LZTS2: variants seen among roughly 807,000 people sequenced by gnomAD.
The protein encoded by LZTS2 is leucine zipper putative tumor suppressor 2.
In LZTS2, 32 loss-of-function variants were observed where a neutral mutation model predicts 60.6. That is an observed-to-expected ratio of 0.53 (90% CI 0.40 to 0.71). The LOEUF is 0.71. LZTS2 is among the 30% of genes least tolerant of loss of function. The pLI is 0.00. For synonymous variants in LZTS2, 360 were observed against 393.1 expected, an observed-to-expected ratio of 0.92 and a Z score of 1.00; for missense variants, 792 against 901.9, an observed-to-expected ratio of 0.88 and a Z score of 1.56.
chr10:101,004,861 A>G (rs1444540635), intron 2 of LZTS2, among the ~76,000 whole-genome samples: 2 of 151,998 alleles, frequency 1.3e-5, no homozygotes, highest in African/African-American at 2.4e-5. Flanking sequence ...AAAATTTTTT[A>G]TTATTTTTTA....
exon 1 of LZTS2, chr10:100,999,624 G>C (rs1426657696): frequency 5.3e-5 from 8 of 152,194 alleles, no homozygotes; most frequent in Non-Finnish European, 4.4e-5. Context: ...GGGCGTCGGA[G>C]GGAGGGCTCC....
exon 4 of LZTS2, chr10:101,007,817 A>ATTT (rs201873754): frequency 2.4e-5 from 7 of 287,118 alleles, no homozygotes; most frequent in African/African-American, 1.7e-4. Context: ...ATTAAAAAAA[A>ATTT]TTTTTTTGTT....
At chr10:100,997,102 G>C (rs1293236948), upstream of LZTS2, 1 of 152,624 alleles carries the variant, frequency 6.6e-6, no homozygotes, top group Non-Finnish European at 1.5e-5. Flanking sequence ...GCCGGGAGCT[G>C]GGAGCCGGGA....
intron 1 of LZTS2, 184 bp downstream of exon 2, chr10:101,003,130 G>A (rs1852083253): frequency 1.3e-6 from 1 of 749,300 alleles, no homozygotes; most frequent in Admixed American, 3.2e-5. Context: ...CTGAGCCTCA[G>A]TTTCTAGAAC....
Position 101,005,594 on chromosome 10 carries a change from G to A in LZTS2, c.1205G>A (p.Arg402Gln), listed in dbSNP as rs150531880. The change falls in exon 3 of 4, where the codon CGG (arginine) becomes CAG (glutamine). Residue 402 changes from arginine (R) to glutamine (Q), a missense_variant. Coordinates refer to ENST00000370220, the Ensembl canonical transcript of LZTS2. ...GTGTTCCAGCTGCAGCAGGAGAAGC[G>A]GCAATTGCAGGACGACTTCGCACAG... 126 of 1,611,168 alleles carry A rather than the reference G, an allele frequency of 7.8e-5. No homozygotes were observed. The highest frequency in any genetic ancestry group is 7.8e-4 in the South Asian group (71 of 91,068).
At chr10:101,005,061 T>G (rs943686376) in intron 2 of LZTS2, among the ~76,000 whole-genome samples, 1 of 152,116 alleles carries the variant, frequency 6.6e-6, no homozygotes, top group African/African-American at 2.4e-5. Flanking sequence ...TAGAGAGCAG[T>G]GGCGTGATTT....
exon 1 of LZTS2, chr10:101,000,957 G>A (rs1852022916): frequency 6.6e-6 from 1 of 152,284 alleles, no homozygotes; most frequent in South Asian, 2.1e-4. Context: ...TGGATTTAAT[G>A]GAGGGCATGC....
exon 2 of LZTS2, chr10:101,003,735 C>A (rs1208324244): frequency 2.5e-6 from 4 of 1,613,028 alleles, no homozygotes; most frequent in Non-Finnish European, 3.4e-6. Context: ...CAGTGGCTGC[C>A]CATCAGGGAC....
At chr10:101,002,750 A>G in exon 1 of LZTS2, 1 of 1,613,282 alleles carries the variant, frequency 6.2e-7, no homozygotes, top group Non-Finnish European at 8.5e-7. Flanking sequence ...GAGGCACAGG[A>G]GCCGCTGTGC....
chr10:101,005,850 C>A, intron 3 of LZTS2, 135 bp downstream of exon 4: 1 of 1,226,026 alleles, frequency 8.2e-7, no homozygotes, highest in Non-Finnish European at 1.1e-6. Flanking sequence ...GATGAGGTTC[C>A]CCTCTGTCCC....
exon 2 of LZTS2, chr10:101,004,013 C>T (rs1273675490): frequency 6.2e-7 from 1 of 1,613,170 alleles, no homozygotes; most frequent in Non-Finnish European, 8.5e-7. Flanking sequence ...CTGACAGCAG[C>T]TCCTGTGGGG....
At position 101,006,847 on chromosome 10, in the gene LZTS2, A is replaced by C. The variant is rs530975210; in HGVS notation, c.1689A>C (p.Ala563=). 1.2e-5 allele frequency: 18 copies of C among 1,537,026 alleles called. 1 individual carries two copies. Among genetic ancestry groups the C allele is most frequent in the East Asian group, 9.2e-5 (4 of 43,256 alleles). The stretch of plus-strand genomic sequence containing the variant: ...GTGATGAGGCCAAAGTGCAGCGGGC[A>C]GCAGCCGGGGTTGGGGGCAGCTTGC... The change falls in exon 4 of 4, where the codon GCA becomes GCC. Residue 563 remains alanine (A), a synonymous_variant. Transcript: ENST00000370220.
chr10:101,003,650 G>T, exon 2 of LZTS2: 1 of 1,608,992 alleles, frequency 6.2e-7, no homozygotes. Flanking sequence ...AGCTGTTTGG[G>T]GGCCCTGCCT....
At chr10:101,006,913 G>A in exon 4 of LZTS2, 2 of 1,530,782 alleles carry the variant, frequency 1.3e-6, no homozygotes, top group African/African-American at 2.7e-5. Context: ...TGCAGCGGGA[G>A]CGGCGGCGGG....
exon 4 of LZTS2, chr10:101,007,248 G>A: frequency 3.5e-6 from 5 of 1,447,658 alleles, no homozygotes; most frequent in South Asian, 2.9e-5. Context: ...AGGGTCCACG[G>A]ATGGCCCCAA....
intron 2 of LZTS2, among the ~76,000 whole-genome samples, chr10:101,005,003 C>T (rs1323996683): frequency 6.6e-6 from 1 of 151,998 alleles, no homozygotes; most frequent in African/African-American, 2.4e-5. Flanking sequence ...CGGCCAAGTG[C>T]TTGCTTTTTT....
upstream of LZTS2, among the ~76,000 whole-genome samples, chr10:100,999,171 G>A (rs1403737728): frequency 6.6e-6 from 1 of 152,238 alleles, no homozygotes; most frequent in African/African-American, 2.4e-5. Flanking sequence ...TCGCGCCAGA[G>A]GCCGGCCTGG....
At chr10:101,006,682 C>G in exon 4 of LZTS2, 2 of 1,595,086 alleles carry the variant, frequency 1.3e-6, no homozygotes, top group Non-Finnish European at 1.7e-6. Flanking sequence ...AGCTGGAAGC[C>G]TGTTCCCAGG....
intron 3 of LZTS2, among the ~76,000 whole-genome samples, 188 bp downstream of exon 4, chr10:101,005,903 C>T (rs1462922507): frequency 2.0e-5 from 3 of 152,218 alleles, no homozygotes; most frequent in Non-Finnish European, 4.4e-5. Flanking sequence ...TCTAGTGGCA[C>T]GTAGCCACGC....
Sources: gnomAD v4.1 joint callset for allele counts (sites outside exome capture counted in the v4.1 genomes callset) on GRCh38, gnomAD v4.1.1 for gene constraint, MANE v1.5 for transcripts, NCBI Gene and HGNC (gene_info 2026-07-23, HGNC 2026-07-21) for gene names.